PRR16: variants seen among roughly 807,000 people sequenced by gnomAD.
The protein encoded by PRR16 is protein Largen.
A neutral mutation model predicts 18.2 loss-of-function variants in PRR16; 6 were observed. The ratio of observed to expected loss-of-function variants is 0.33; its 90% CI spans 0.18 to 0.65. PRR16 has a LOEUF of 0.65. Ranked by LOEUF, PRR16 falls within the 30% of genes least tolerant of loss-of-function variation. PRR16 has a pLI of 0.74. For missense variants in PRR16, 412 were observed against 376.6 expected, an observed-to-expected ratio of 1.09 and a Z score of -0.78; for synonymous variants, 151 against 147.8, an observed-to-expected ratio of 1.02 and a Z score of -0.16.
At chr5:120,755,595 G>A in the PRR16 span, among the ~76,000 whole-genome samples, 2 of 152,084 alleles carry the variant, frequency 1.3e-5, no homozygotes, top group Non-Finnish European at 2.9e-5. Flanking sequence ...GTATTCTGTG[G>A]TGTATATGTA....
intron 1 of PRR16, among the ~76,000 whole-genome samples, chr5:120,521,210 G>T (rs946109094): frequency 6.6e-6 from 1 of 151,956 alleles, no homozygotes; most frequent in African/African-American, 2.4e-5. Flanking sequence ...GTTGCCTTTG[G>T]CTCGGGACAA....
intron 1 of PRR16, among the ~76,000 whole-genome samples, chr5:120,521,501 T>C (rs1751179399): frequency 1.3e-5 from 2 of 152,132 alleles, no homozygotes; most frequent in African/African-American, 4.8e-5. Flanking sequence ...TTTTTTTTCT[T>C]AACTTTTTAT....
the PRR16 span, among the ~76,000 whole-genome samples, chr5:120,747,725 T>C: frequency 1.9e-4 from 29 of 151,924 alleles, no homozygotes; most frequent in Admixed American, 1.8e-3. Flanking sequence ...TTAATCTGTT[T>C]ATAGAAAACA....
Position 120,596,683 on chromosome 5 carries a change from A to T in PRR16, c.160-89271A>T, listed in dbSNP as rs552775377. Among the ~76,000 whole-genome samples, 6 of 151,840 alleles carry T rather than the reference A, an allele frequency of 4.0e-5. 1 individual carries two copies. In the South Asian group the frequency reaches 1.2e-3, roughly 32 times the overall value. ...GTATATCATTTGTGTAAGCCCCCTAATTCAGCTCTTCTCTTCGTTCTCCCT... is the reference window on the plus strand; with the variant it reads ...GTATATCATTTGTGTAAGCCCCCTATTTCAGCTCTTCTCTTCGTTCTCCCT... On this transcript the variant is annotated intron_variant, in intron 1 of 1. Coordinates refer to ENST00000407149, the MANE Select transcript of PRR16 (RefSeq NM_001300783.2).
At chr5:120,791,634 T>TC in the PRR16 span, among the ~76,000 whole-genome samples, 4 of 143,172 alleles carry the variant, frequency 2.8e-5, no homozygotes, top group South Asian at 2.2e-4. Context: ...CATCCATCTA[T>TC]CATCTATCTA....
chr5:120,487,282 T>C lies in PRR16; in HGVS notation c.159+22637T>C, dbSNP rs1749841505. Among the ~76,000 whole-genome samples, 3 of 152,218 alleles carry C rather than the reference T, an allele frequency of 2.0e-5. No homozygotes were observed. In the South Asian group the frequency reaches 6.2e-4, roughly 32 times the overall value. ...TATTGATTCTTCCTACCCATGAGCA[T>C]GGAATGTTCTTCCATTTGTTTGCAT... On this transcript the variant is annotated intron_variant, in intron 1 of 1. Transcript: ENST00000407149.
intron 1 of PRR16, among the ~76,000 whole-genome samples, chr5:120,554,651 C>T (rs1524575): frequency 0.99 from 150,158 of 151,976 alleles, 74,202 homozygotes; most frequent in East Asian, 1. Context: ...TCAGATCTTA[C>T]GTTAGTTATT....
chr5:120,742,924 C>T, the PRR16 span, among the ~76,000 whole-genome samples: 8 of 152,194 alleles, frequency 5.3e-5, no homozygotes, highest in Non-Finnish European at 1.0e-4. Context: ...GTGCACCACT[C>T]CAACCTGTGC....
intron 1 of PRR16, among the ~76,000 whole-genome samples, chr5:120,643,670 T>A (rs1299524782): frequency 6.6e-6 from 1 of 152,032 alleles, no homozygotes; most frequent in Non-Finnish European, 1.5e-5. Flanking sequence ...AGGACCTCAG[T>A]AAACCTGGAT....
At chr5:120,495,097 T>C (rs1750199295) in intron 1 of PRR16, among the ~76,000 whole-genome samples, 1 of 152,140 alleles carries the variant, frequency 6.6e-6, no homozygotes, top group African/African-American at 2.4e-5. Flanking sequence ...AGAATAAAAC[T>C]TTAGGCTAAT....
the PRR16 span, among the ~76,000 whole-genome samples, chr5:120,723,427 T>C: frequency 6.6e-6 from 1 of 151,960 alleles, no homozygotes; most frequent in Admixed American, 6.6e-5. Context: ...CTATGAGAAA[T>C]AGTTTTCCTA....
chr5:120,758,406 T>A, the PRR16 span, among the ~76,000 whole-genome samples: 1 of 152,118 alleles, frequency 6.6e-6, no homozygotes, highest in East Asian at 1.9e-4. Context: ...CTTCAAGAAA[T>A]TGGAAAGTTA....
chr5:120,586,634 C>G (rs1246746557), intron 1 of PRR16, among the ~76,000 whole-genome samples: 1 of 152,084 alleles, frequency 6.6e-6, no homozygotes. Context: ...TGGGGTGCCA[C>G]AAAAATGCCT....
the PRR16 span, chr5:120,710,947 T>TG: frequency 6.6e-6 from 1 of 151,386 alleles, no homozygotes; most frequent in East Asian, 1.9e-4. Context: ...CCACTCTTTT[T>TG]TTTTTCCCCC....
At chr5:120,517,438 T>C (rs1751033900) in intron 1 of PRR16, among the ~76,000 whole-genome samples, 1 of 152,094 alleles carries the variant, frequency 6.6e-6, no homozygotes, top group South Asian at 2.1e-4. Context: ...CTTGTATTCC[T>C]GGAGACATAT....
chr5:120,517,449 GT>G, intron 1 of PRR16, among the ~76,000 whole-genome samples: 1 of 151,852 alleles, frequency 6.6e-6, no homozygotes, highest in Admixed American at 6.6e-5. Context: ...GGAGACATAT[GT>G]TTTTTTAAAA....
chr5:120,671,810 G>T (rs553799079), intron 1 of PRR16, among the ~76,000 whole-genome samples: 2 of 152,074 alleles, frequency 1.3e-5, no homozygotes, highest in African/African-American at 4.8e-5. Context: ...ATATGTGTGT[G>T]TACATATATA....
chr5:120,586,523 T>C (rs1753449078), intron 1 of PRR16, among the ~76,000 whole-genome samples: 1 of 152,136 alleles, frequency 6.6e-6, no homozygotes, highest in Non-Finnish European at 1.5e-5. Context: ...TGTATTTCTC[T>C]GTCACATTTT....
intron 1 of PRR16, among the ~76,000 whole-genome samples, chr5:120,468,471 G>A (rs1030159776): frequency 6.6e-6 from 1 of 151,672 alleles, no homozygotes; most frequent in Non-Finnish European, 1.5e-5. Flanking sequence ...TCTACACATT[G>A]AAAAAAAAGA....
Sources: gnomAD v4.1 joint callset for allele counts (sites outside exome capture counted in the v4.1 genomes callset) on GRCh38, gnomAD v4.1.1 for gene constraint, MANE v1.5 for transcripts, NCBI Gene and HGNC (gene_info 2026-07-23, HGNC 2026-07-21) for gene names.